The following ZNF674 variants were observed in gnomAD, a reference collection of about 807,000 sequenced individuals.
ZNF674 encodes the protein zinc finger family member 674.
Under a neutral mutation model 7.0 loss-of-function variants are expected in ZNF674, and 2 were observed. The observed-to-expected ratio is 0.29, with a 90% confidence interval of 0.12 to 0.90. ZNF674 has a LOEUF of 0.90. Ranked by LOEUF, ZNF674 falls within the 40% of genes least tolerant of loss-of-function variation. The pLI is 0.57. For missense variants in ZNF674, 297 were observed against 415.5 expected (o/e 0.71, Z 2.48); for synonymous variants, 103 against 145.2 (o/e 0.71, Z 2.09).
rs1942165523 is a variant in ZNF674 at position 46,534,291 on chromosome X, G to A, written c.16-5382C>T. On this transcript the variant is annotated intron_variant, in intron 3 of 5. Coordinates refer to ENST00000683375, the MANE Select transcript of ZNF674 (RefSeq NM_001190417.2). ...CCATATCTTCTGGCTAGGTATTTAT[G>A]GAGGAAAATAACTCAATAAAACTGA... 1.8e-5 allele frequency among the ~76,000 whole-genome samples: 2 copies of A among 110,875 alleles called. 1 individual carries two copies. Among genetic ancestry groups the A allele is most frequent in the South Asian group, 7.6e-4 (2 of 2,631 alleles).
At chrX:46,542,626 G>A (rs769900370) in intron 2 of ZNF674, among the ~76,000 whole-genome samples, 2 of 111,104 alleles carry the variant, frequency 1.8e-5, no homozygotes, top group African/African-American at 6.5e-5. Context: ...AGATGGGAGG[G>A]TCTCTTGAGC....
intron 3 of ZNF674, 140 bp downstream of exon 3, chrX:46,541,933 G>A: frequency 1.9e-6 from 1 of 527,954 alleles, no homozygotes; most frequent in South Asian, 3.0e-5. Flanking sequence ...GGAAGGATTA[G>A]AGAAACCAGA....
intron 5 of ZNF674, among the ~76,000 whole-genome samples, chrX:46,507,803 C>T (rs1941569213): frequency 9.0e-6 from 1 of 111,702 alleles, no homozygotes; most frequent in Non-Finnish European, 1.9e-5. Context: ...TGAAACATTT[C>T]AAATAAGTTT....
intron 3 of ZNF674, among the ~76,000 whole-genome samples, chrX:46,531,485 A>G (rs1321244584): frequency 3.6e-5 from 4 of 111,752 alleles, no homozygotes; most frequent in Non-Finnish European, 7.5e-5. Flanking sequence ...AACTCCAGGT[A>G]GATGGTGTCA....
intron 3 of ZNF674, among the ~76,000 whole-genome samples, chrX:46,533,728 C>T (rs1200422023): frequency 2.0e-5 from 2 of 99,768 alleles, no homozygotes; most frequent in African/African-American, 7.4e-5. Context: ...CGCTTGTACC[C>T]GGGAGGTGGA....
At chrX:46,540,183 G>T (rs1185034487) in intron 3 of ZNF674, among the ~76,000 whole-genome samples, 1 of 109,833 alleles carries the variant, frequency 9.1e-6, no homozygotes, top group African/African-American at 3.3e-5. Context: ...GGCGGAGCTC[G>T]CAGTGAGCCG....
chrX:46,514,194 G>A (rs929363852), intron 5 of ZNF674, among the ~76,000 whole-genome samples: 6 of 112,031 alleles, frequency 5.4e-5, no homozygotes, highest in Admixed American at 9.5e-5. Flanking sequence ...TGAGTGAGGA[G>A]TGTGTTCACC....
At chrX:46,526,381 C>G (rs1462124330) in intron 5 of ZNF674, among the ~76,000 whole-genome samples, 1 of 111,292 alleles carries the variant, frequency 9.0e-6, no homozygotes, top group African/African-American at 3.3e-5. Flanking sequence ...CGTGCTCAAG[C>G]AATCCTCCCA....
At chrX:46,520,305 A>C (rs918364879) in intron 5 of ZNF674, among the ~76,000 whole-genome samples, 1 of 111,186 alleles carries the variant, frequency 9.0e-6, no homozygotes, top group African/African-American at 3.3e-5. Context: ...AGGCTGAGAC[A>C]GGAGAATTGC....
At chrX:46,538,805 C>T (rs5952900) in intron 3 of ZNF674, among the ~76,000 whole-genome samples, 29,729 of 108,545 alleles carry the variant, frequency 0.27, 3,147 homozygotes, top group Middle Eastern at 0.39. Context: ...GGTGGAAGGA[C>T]TGCTTGAGCC....
rs1348722009 is a variant in ZNF674, at chrX:46,528,896, A to G, written c.29T>C (p.Phe10Ser). 8.3e-7 allele frequency: 1 copy of G among 1,209,834 alleles called. No individual in the cohort carries two copies. The highest frequency in any genetic ancestry group is 1.1e-6 in the Non-Finnish European group (1 of 895,154). ...GGTGAAGTCCACAAACACGTCCTTG[A>G]AGGTCAATGATTCCTGTAACGGCAC... MAMSQESLTFKDVFVDFTLE... is the reference protein window; with the variant it reads MAMSQESLTSKDVFVDFTLE... The change falls in exon 4 of 6, where the codon TTC becomes TCC. Residue 10 changes from phenylalanine (F) to serine (S), a missense_variant. Physicochemically the swap from Phe to Ser is radical, Grantham distance 155 (BLOSUM62 -2). Coordinates refer to ENST00000683375, the MANE Select transcript of ZNF674 (RefSeq NM_001190417.2).
At position 46,500,508 on chromosome X, in the gene ZNF674, C is replaced by A; in HGVS notation, c.1066G>T (p.Glu356Ter). The change falls in exon 6 of 6, where the codon GAA (glutamate) becomes TAA (stop). Residue 356 changes from glutamate to a stop codon, truncating the protein, a stop_gained. Coordinates refer to ENST00000683375, the MANE Select transcript of ZNF674 (RefSeq NM_001190417.2). LOFTEE classifies it low-confidence loss of function (END_TRUNC). Reference protein sequence around the residue: ...IHTSEKPQCSEHGKASDEKPS... With the variant: ...IHTSEKPQCS ...TTCTCATCAGAGGCTTTCCCATGTT[C>A]ACTGCACTGAGGTTTCTCACTTGTG... 8.3e-7 allele frequency: 1 copy of A among 1,211,830 alleles called. No homozygotes were observed. The highest frequency in any genetic ancestry group is 1.1e-6 in the Non-Finnish European group (1 of 895,299).
chrX:46,522,288 G>A (rs764533070), intron 5 of ZNF674, among the ~76,000 whole-genome samples: 1 of 109,653 alleles, frequency 9.1e-6, no homozygotes, highest in Non-Finnish European at 1.9e-5. Flanking sequence ...CACAGCAAAT[G>A]TTCCTAGCAA....
intron 3 of ZNF674, among the ~76,000 whole-genome samples, chrX:46,539,044 G>A (rs1191396953): frequency 9.0e-6 from 1 of 111,358 alleles, no homozygotes; most frequent in Admixed American, 9.6e-5. Flanking sequence ...AATTAGCCAG[G>A]TGTGGTGGCA....
intron 5 of ZNF674, among the ~76,000 whole-genome samples, chrX:46,503,283 A>G (rs953769252): frequency 8.9e-6 from 1 of 112,519 alleles, no homozygotes; most frequent in African/African-American, 3.2e-5. Context: ...ATAAATTATC[A>G]TAAAGAAAGA....
At position 46,500,445 on chromosome X, in the gene ZNF674, C is replaced by T. The variant is rs767120139; in HGVS notation, c.1129G>A (p.Glu377Lys). 1.7e-6 allele frequency: 2 copies of T among 1,211,603 alleles called. No homozygotes were observed. Among genetic ancestry groups the T allele is most frequent in the Admixed American group, 2.2e-5 (1 of 46,049 alleles). Residue 377 changes from glutamate (E) to lysine (K), a missense_variant, in exon 6 of 6, where the codon GAG (glutamate) becomes AAG (lysine). Physicochemically the swap from Glu to Lys is moderately conservative, Grantham distance 56. Transcript: ENST00000683375. ...CATTTACTACACTCATAAATGTTCT[C>T]TTTTGTATGAGTTCTCCAATGTTTA... Reference protein sequence around the residue: ...PTKHWRTHTKENIYECSKCGK... With the variant: ...PTKHWRTHTKKNIYECSKCGK...
At chrX:46,518,191 T>C (rs1171847260) in intron 5 of ZNF674, among the ~76,000 whole-genome samples, 1 of 110,999 alleles carries the variant, frequency 9.0e-6, no homozygotes, top group Non-Finnish European at 1.9e-5. Flanking sequence ...TGGCAAAATA[T>C]ATGGGTAAAT....
intron 5 of ZNF674, among the ~76,000 whole-genome samples, chrX:46,505,102 C>A (rs1456272907): frequency 9.1e-6 from 1 of 110,036 alleles, no homozygotes; most frequent in Non-Finnish European, 1.9e-5. Flanking sequence ...TTTGGTCAGG[C>A]TTGTCTTGAA....
intron 3 of ZNF674, among the ~76,000 whole-genome samples, chrX:46,535,139 A>G (rs1227917320): frequency 9.0e-6 from 1 of 110,694 alleles, no homozygotes; most frequent in Non-Finnish European, 1.9e-5. Flanking sequence ...TAAATAGCAG[A>G]ATGAATTTTT....
Sources: allele counts gnomAD v4.1 joint callset (sites outside exome capture counted in the v4.1 genomes callset), GRCh38; gene constraint gnomAD v4.1.1; transcripts MANE v1.5; gene names NCBI Gene and HGNC (gene_info 2026-07-23, HGNC 2026-07-21).